Variants in IREB2 observed in about 807,000 individuals in gnomAD.
IREB2 encodes the protein iron responsive element binding protein 2.
Under a neutral mutation model 118.8 loss-of-function variants are expected in IREB2, and 39 were observed. The ratio of observed to expected loss-of-function variants is 0.33; its 90% confidence interval spans 0.25 to 0.43. The LOEUF is 0.43. Among genes scored for constraint, IREB2 ranks in the 20% least tolerant of loss-of-function variants. The pLI, the probability that IREB2 is intolerant of heterozygous loss-of-function variation, is 1.00. For missense variants in IREB2, 900 were observed against 1,147.3 expected, an observed-to-expected ratio of 0.78 and a Z score of 3.11; for synonymous variants, 372 against 392.2, an observed-to-expected ratio of 0.95 and a Z score of 0.61.
At position 78,438,244 on chromosome 15, in the gene IREB2, C is replaced by A; in HGVS notation, c.-94C>A. The A allele has an allele frequency of 1.0e-6, 1 of 956,874 alleles. No homozygotes were observed. Among genetic ancestry groups the A allele is most frequent in the Non-Finnish European group, 1.7e-6 (1 of 604,076 alleles). The allele number at this position is 956,874 out of a possible 1,614,324, so 59.3% of individuals were successfully genotyped here. On this transcript the variant is annotated 5_prime_UTR_variant, in exon 1 of 22. Transcript: ENST00000258886. ...CCTGCTTCCTTCTTTCCTCCCTTGC[C>A]AGTCCGCCTGTCTTCCTCCCCGTCT...
rs142701726 is a variant in IREB2 at position 78,470,591 on chromosome 15, A to G, written c.689A>G (p.Gln230Arg). 26 of 1,579,466 alleles carry G rather than the reference A, an allele frequency of 1.6e-5. No individual in the cohort carries two copies. Among genetic ancestry groups the G allele is most frequent in the Admixed American group, 5.0e-5 (3 of 59,586 alleles). ...VEFGRNRERL[Q>R]FFKWSSRVFK... ...TTCGGCAGAAATCGAGAGAGGCTTC[A>G]GTTTTTTAAGGTATAAATGATTCAG... The change falls in exon 6 of 22, where the codon CAG becomes CGG. Residue 230 changes from glutamine to arginine, a missense_variant. Gln to Arg is a conservative substitution (Grantham distance 43, BLOSUM62 1). Coordinates refer to ENST00000258886, the MANE Select transcript of IREB2 (RefSeq NM_004136.4).
At chr15:78,481,522 ATTTTTT>A (rs145058390) in intron 10 of IREB2, among the ~76,000 whole-genome samples, 1 of 137,988 alleles carries the variant, frequency 7.2e-6, no homozygotes, top group African/African-American at 2.7e-5. Flanking sequence ...CACCTCGCTA[ATTTTTT>A]TTTTTTTTTT....
chr15:78,492,618 C>A (rs937411166), intron 18 of IREB2, among the ~76,000 whole-genome samples: 1 of 152,126 alleles, frequency 6.6e-6, no homozygotes, highest in African/African-American at 2.4e-5. Flanking sequence ...GGCTGAAAGG[C>A]AGTGGCACTT....
At position 78,465,305 on chromosome 15, in the gene IREB2, T is replaced by C. The variant is rs1421522121; in HGVS notation, c.327T>C (p.Leu109=). 2 of 1,613,730 alleles carry C rather than the reference T, an allele frequency of 1.2e-6. No homozygotes were observed. The highest frequency in any genetic ancestry group is 1.7e-5 in the Admixed American group (1 of 59,926). The stretch of plus-strand genomic sequence containing the variant: ...CTATGAGGGAGGCAGTGAAAACTCT[T>C]GGAGGTGATCCTGAGAAAGTCCATC... The part of the protein sequence containing the change: ...FAAMREAVKT[L]GGDPEKVHPA... Residue 109 remains leucine (L), a synonymous_variant, in exon 4 of 22, where the codon CTT becomes CTC. Coordinates refer to ENST00000258886, the MANE Select transcript of IREB2 (RefSeq NM_004136.4).
intron 15 of IREB2, 123 bp from the exon 16 acceptor site, chr15:78,488,524 C>G: frequency 9.6e-7 from 1 of 1,041,386 alleles, no homozygotes; most frequent in Non-Finnish European, 1.4e-6. Context: ...GTTCTTCCAG[C>G]CGCTTAAGCC....
chr15:78,454,417 A>G (rs533074189), intron 2 of IREB2, among the ~76,000 whole-genome samples: 1 of 152,356 alleles, frequency 6.6e-6, no homozygotes, highest in Non-Finnish European at 1.5e-5. Flanking sequence ...TGAAAAAAAT[A>G]CAGGCATAAG....
At chr15:78,451,130 A>C (rs1396075136) in intron 2 of IREB2, among the ~76,000 whole-genome samples, 1 of 151,608 alleles carries the variant, frequency 6.6e-6, no homozygotes, top group Non-Finnish European at 1.5e-5. Context: ...ACACCTGGCT[A>C]ATTTTTTGTA....
At chr15:78,466,185 A>C (rs927954401) in intron 4 of IREB2, 86 bp from the exon 5 acceptor site, 1 of 760,470 alleles carries the variant, frequency 1.3e-6, no homozygotes, top group African/African-American at 1.7e-5. Flanking sequence ...ACTTCCAGAT[A>C]GCGTTGCTAA....
intron 18 of IREB2, 144 bp from the exon 19 acceptor site, chr15:78,493,765 A>C: frequency 1.6e-6 from 1 of 623,826 alleles, no homozygotes; most frequent in Non-Finnish European, 2.7e-6. Flanking sequence ...GCTTGGTGAT[A>C]GGCGCATGGA....
At chr15:78,496,483 G>T (rs938685978) in intron 20 of IREB2, among the ~76,000 whole-genome samples, 2 of 152,132 alleles carry the variant, frequency 1.3e-5, no homozygotes, top group African/African-American at 4.8e-5. Context: ...GGCCAGGCTG[G>T]TCTCAAACTC....
At chr15:78,488,146 AATTT>A (rs768844681) in intron 14 of IREB2, 30 bp from the exon 15 acceptor site, 2 of 1,580,626 alleles carry the variant, frequency 1.3e-6, no homozygotes, top group African/African-American at 2.7e-5. Flanking sequence ...TCTAGAATTG[AATTT>A]ATTTGTTTGT....
In IREB2 at chr15:78,497,248, T is replaced by G. The variant is rs749118680; in HGVS notation, c.2718T>G (p.Gly906=). Residue 906 remains glycine (G), a synonymous_variant, in exon 21 of 22, where the codon GGT becomes GGG. Coordinates refer to ENST00000258886, the MANE Select transcript of IREB2 (RefSeq NM_004136.4). ...ATGCAGATTCCTTGGGCCTCTCCGG[T>G]AGAGAAACATTTTCTTTAACATTTC... ...GENADSLGLS[G]RETFSLTFPE... 6.2e-7 allele frequency: 1 copy of G among 1,613,864 alleles called. No individual in the cohort carries two copies. The highest frequency in any genetic ancestry group is 2.2e-5 in the East Asian group (1 of 44,866).
intron 2 of IREB2, among the ~76,000 whole-genome samples, chr15:78,451,386 CTCAA>C: frequency 6.6e-6 from 1 of 152,034 alleles, no homozygotes; most frequent in East Asian, 1.9e-4. Flanking sequence ...TAGCTTGCAG[CTCAA>C]TCATACAAGA....
chr15:78,468,542 C>CT (rs111279004), intron 5 of IREB2, among the ~76,000 whole-genome samples: 28,454 of 143,420 alleles, frequency 0.2, 2,928 homozygotes, highest in African/African-American at 0.29. Context: ...CTCCACCTGG[C>CT]TTTTTTTTTT....
rs552377132 is a variant in IREB2, at chr15:78,459,053, A to G, written c.107-3869A>G. 7.2e-5 allele frequency among the ~76,000 whole-genome samples: 11 copies of G among 152,098 alleles called. No homozygotes were observed. The South Asian group carries it at 2.1e-3, about 29-fold the overall frequency. ...TGGACTCAAGCAGTCCCCCCTCCCA[A>G]AGTGCGGGGATTACAGGTATGTGCC... On this transcript the variant is annotated intron_variant, in intron 2 of 21. Transcript: ENST00000258886.
rs982939834 is a variant in IREB2 at position 78,482,790 on chromosome 15, C to G, written c.1297-528C>G. Among the ~76,000 whole-genome samples the G allele has an allele frequency of 5.3e-5, 8 of 152,006 alleles. No homozygotes were observed. In the South Asian group the frequency reaches 1.0e-3, roughly 20 times the overall value. On this transcript the variant is annotated intron_variant, in intron 10 of 21. Transcript: ENST00000258886. ...TGAGACGGAGTCTCGCTGTGTTACC[C>G]AGGCTGGAGTGCAGTGGCGCGATCT...
rs1595980562 is a variant in IREB2 at position 78,439,999 on chromosome 15, A to G, written c.106+118A>G. 1.1e-5 allele frequency: 7 copies of G among 664,226 alleles called. No individual in the cohort carries two copies. The East Asian group carries it at 1.7e-4, about 16-fold the overall frequency. 41.1% of individuals were successfully genotyped at this position (664,226 alleles called of 1,614,324 possible). Reference sequence around the variant, plus strand: ...CCACCGTATTGTAACAGGTACACCTACACATACCTATACCATTTTAAAAAC... The same window carrying G: ...CCACCGTATTGTAACAGGTACACCTGCACATACCTATACCATTTTAAAAAC... On this transcript the variant is annotated intron_variant, in intron 2 of 21. Transcript: ENST00000258886.
At chr15:78,456,515 G>C (rs1251669732) in intron 2 of IREB2, among the ~76,000 whole-genome samples, 1 of 151,792 alleles carries the variant, frequency 6.6e-6, no homozygotes. Flanking sequence ...AAAATTACGA[G>C]AATCAGCTGG....
At position 78,473,285 on chromosome 15, in the gene IREB2, A is replaced by G. The variant is rs752516722; in HGVS notation, c.927A>G (p.Pro309=). The change falls in exon 8 of 22, where the codon CCA becomes CCG. Residue 309 remains proline (P), a synonymous_variant. Coordinates refer to ENST00000258886, the MANE Select transcript of IREB2 (RefSeq NM_004136.4). ...IETEAVMLGL[P]VSLTLPEVVG... ...CAGAAGCAGTTATGCTTGGTCTGCC[A>G]GTTTCTCTTACTTTACCAGAGGTGG... 3 of 1,613,966 alleles carry G rather than the reference A, an allele frequency of 1.9e-6. No homozygotes were observed. Among genetic ancestry groups the G allele is most frequent in the South Asian group, 1.1e-5 (1 of 91,090 alleles).
Sources: gnomAD v4.1 joint callset for allele counts (sites outside exome capture counted in the v4.1 genomes callset) on GRCh38, gnomAD v4.1.1 for gene constraint, MANE v1.5 for transcripts, NCBI Gene and HGNC (gene_info 2026-07-23, HGNC 2026-07-21) for gene names.